Variants in THSD4 observed in about 807,000 individuals in gnomAD.
The protein encoded by THSD4 is thrombospondin type-1 domain-containing protein 4.
THSD4 carries 69 observed loss-of-function variants against 119.0 expected under a neutral mutation model. The observed-to-expected ratio is 0.58, with a 90% CI of 0.48 to 0.71. THSD4 has a LOEUF of 0.71. THSD4 is among the 30% of genes least tolerant of loss of function. THSD4 has a pLI of 0.00. For missense variants in THSD4, 1,393 were observed against 1,391.1 expected (o/e 1.00, Z -0.02); for synonymous variants, 524 against 540.4 (o/e 0.97, Z 0.42).
intron 3 of THSD4, among the ~76,000 whole-genome samples, chr15:71,203,593 G>T (rs2043820294): frequency 6.6e-6 from 1 of 152,164 alleles, no homozygotes; most frequent in Admixed American, 6.5e-5. Flanking sequence ...TTGAACTCAG[G>T]AGTCAGAGGT....
At chr15:71,273,859 T>C (rs1378554797) in intron 6 of THSD4, among the ~76,000 whole-genome samples, 1 of 152,190 alleles carries the variant, frequency 6.6e-6, no homozygotes, top group East Asian at 1.9e-4. Flanking sequence ...ATCAGGAGGA[T>C]ATCCAATAGC....
intron 6 of THSD4, among the ~76,000 whole-genome samples, chr15:71,349,442 T>C (rs1290627688): frequency 6.6e-6 from 1 of 152,122 alleles, no homozygotes; most frequent in Non-Finnish European, 1.5e-5. Context: ...TGCCTGTCCA[T>C]CTCCCCCTGC....
chr15:71,193,799 C>T (rs188029333), intron 3 of THSD4, among the ~76,000 whole-genome samples: 1 of 152,294 alleles, frequency 6.6e-6, no homozygotes, highest in East Asian at 1.9e-4. Flanking sequence ...GCTCCGCCTC[C>T]CGGGTTCACA....
chr15:71,620,989 T>C (rs917549877), intron 7 of THSD4, among the ~76,000 whole-genome samples: 3 of 152,228 alleles, frequency 2.0e-5, no homozygotes, highest in Non-Finnish European at 2.9e-5. Flanking sequence ...TAAAATAGGA[T>C]GGTAGGACGT....
chr15:71,245,657 A>G (rs749556253), intron 5 of THSD4, among the ~76,000 whole-genome samples: 7 of 152,208 alleles, frequency 4.6e-5, no homozygotes, highest in Admixed American at 2.0e-4. Flanking sequence ...TAAAAGTTCT[A>G]TACCAGAGAA....
At chr15:71,274,301 G>A (rs986438480) in intron 6 of THSD4, among the ~76,000 whole-genome samples, 2 of 152,134 alleles carry the variant, frequency 1.3e-5, no homozygotes, top group Non-Finnish European at 2.9e-5. Flanking sequence ...ACCTTTGGGG[G>A]AATTGTTGAA....
In THSD4 at chr15:71,156,288, G is replaced by A. The variant is rs536920447; in HGVS notation, c.99+1356G>A. Among the ~76,000 whole-genome samples the A allele has an allele frequency of 8.1e-4, 121 of 149,070 alleles. No individual in the cohort carries two copies. The Middle Eastern group carries it at 0.01, about 13-fold the overall frequency. On this transcript the variant is annotated intron_variant, in intron 3 of 17. Transcript: ENST00000261862. ...TTTTTTTTTTTTGAGATGGAGTTTCGCTCTTGTCACCCAGGCTGGAGTGCA... is the reference window on the plus strand; with the variant it reads ...TTTTTTTTTTTTGAGATGGAGTTTCACTCTTGTCACCCAGGCTGGAGTGCA...
rs545640332 is a variant in THSD4, at chr15:71,557,318, T to C, written c.1153-103212T>C. 1.6e-3 allele frequency among the ~76,000 whole-genome samples: 247 copies of C among 152,326 alleles called. 5 individuals carry two copies. Among genetic ancestry groups the C allele is most frequent in the Non-Finnish European group, 1.8e-3 (121 of 68,020 alleles). ...AATGTTAAACTATCCTTGCATTCCA[T>C]GGATAAATCCAACTTGGTTATGATA... On this transcript the variant is annotated intron_variant, in intron 7 of 17. Coordinates refer to ENST00000261862, the MANE Select transcript of THSD4 (RefSeq NM_024817.3).
intron 7 of THSD4, among the ~76,000 whole-genome samples, chr15:71,614,271 G>T (rs532960180): frequency 8.5e-5 from 13 of 152,272 alleles, no homozygotes; most frequent in African/African-American, 3.1e-4. Flanking sequence ...ATCCATTCCA[G>T]CCTGGATTCG....
intron 3 of THSD4, among the ~76,000 whole-genome samples, chr15:71,184,892 C>G (rs901014774): frequency 6.6e-6 from 1 of 151,760 alleles, no homozygotes; most frequent in Non-Finnish European, 1.5e-5. Context: ...AATAATGTCA[C>G]TGAGACCCAC....
At chr15:71,768,277 C>CAAAAAAAA (rs112135859) in intron 16 of THSD4, among the ~76,000 whole-genome samples, 1 of 49,334 alleles carries the variant, frequency 2.0e-5, no homozygotes, top group Non-Finnish European at 8.2e-5. Context: ...CAAAAAAAAC[C>CAAAAAAAA]AAAAAAAAAC....
intron 7 of THSD4, among the ~76,000 whole-genome samples, chr15:71,535,840 A>C (rs2048682841): frequency 6.6e-6 from 1 of 152,230 alleles, no homozygotes; most frequent in South Asian, 2.1e-4. Context: ...GTCTCTTATC[A>C]GACATGATTT....
chr15:71,311,152 A>C (rs1596329432), intron 6 of THSD4, among the ~76,000 whole-genome samples: 2 of 152,316 alleles, frequency 1.3e-5, no homozygotes, highest in African/African-American at 4.8e-5. Context: ...AGGCCGTCAA[A>C]GTTCTAACCA....
chr15:71,119,012 G>T (rs995158758), intron 1 of THSD4, among the ~76,000 whole-genome samples: 1 of 152,176 alleles, frequency 6.6e-6, no homozygotes, highest in Non-Finnish European at 1.5e-5. Flanking sequence ...TCGCTGGCTT[G>T]TTAGCCTCAC....
intron 11 of THSD4, among the ~76,000 whole-genome samples, chr15:71,743,381 G>C (rs1257276553): frequency 6.6e-6 from 1 of 152,240 alleles, no homozygotes; most frequent in African/African-American, 2.4e-5. Context: ...CGCATGGTCT[G>C]AAGGAAAAGG....
intron 2 of THSD4, among the ~76,000 whole-genome samples, chr15:71,144,263 A>C (rs544473666): frequency 2.4e-4 from 36 of 152,274 alleles, no homozygotes; most frequent in African/African-American, 8.7e-4. Context: ...ACCATTTTGC[A>C]TCCCTGTTTT....
chr15:71,739,153 A>C (rs1249912645), intron 11 of THSD4, among the ~76,000 whole-genome samples: 1 of 151,608 alleles, frequency 6.6e-6, no homozygotes, highest in Admixed American at 6.6e-5. Context: ...TGGCTTTTAC[A>C]CTGACCAACA....
chr15:71,643,001 G>A (rs1465356393), intron 7 of THSD4, among the ~76,000 whole-genome samples: 1 of 152,018 alleles, frequency 6.6e-6, no homozygotes, highest in Non-Finnish European at 1.5e-5. Context: ...GAATGCCTGG[G>A]TTACATTCCT....
intron 7 of THSD4, among the ~76,000 whole-genome samples, chr15:71,470,689 G>A (rs375623120): frequency 6.6e-6 from 1 of 150,936 alleles, no homozygotes; most frequent in African/African-American, 2.4e-5. Flanking sequence ...ACTGCGGACT[G>A]CAGTGGCGCA....
Sources: allele counts gnomAD v4.1 joint callset (sites outside exome capture counted in the v4.1 genomes callset), GRCh38; gene constraint gnomAD v4.1.1; transcripts MANE v1.5; gene names NCBI Gene and HGNC (gene_info 2026-07-23, HGNC 2026-07-21).